The following PSD variants were observed in gnomAD, a reference collection of about 807,000 sequenced individuals.
The protein encoded by PSD is PH and SEC7 domain-containing protein 1.
In PSD, 32 loss-of-function variants were observed where a neutral mutation model predicts 91.6. That is an observed-to-expected ratio of 0.35 (90% CI 0.26 to 0.47). The LOEUF (loss-of-function observed/expected upper bound fraction) is 0.47, where lower values mean the gene tolerates loss of function less well. Among genes scored for constraint, PSD ranks in the 20% least tolerant of loss-of-function variants. PSD has a pLI of 1.00. For missense variants in PSD, 1,099 were observed against 1,373.9 expected (o/e 0.80, Z 3.16); for synonymous variants, 532 against 569.3 (o/e 0.93, Z 0.93).
chr10:102,415,365 A>G (rs1215628398), intron 3 of PSD, 136 bp from the exon 4 acceptor site: 2 of 1,080,874 alleles, frequency 1.9e-6, no homozygotes, highest in Admixed American at 3.0e-5. Flanking sequence ...TCCTCCTGCT[A>G]CATACTTAGC....
chr10:102,414,215 ATC>A lies in PSD; in HGVS notation c.1125-20_1125-19del. The A allele has an allele frequency of 3.2e-6, 5 of 1,584,488 alleles. No homozygotes were observed. Among genetic ancestry groups the A allele is most frequent in the Non-Finnish European group, 4.3e-6 (5 of 1,164,240 alleles). ...TCCCTGGCCTGCAGGGGCAGGGAGA[ATC>A]TCTGATTAGGGGCCCAGATCACAGG... On this transcript the variant is annotated intron_variant, in intron 4 of 16. Transcript: ENST00000020673. The surrounding 1 kb of genome is among the most constrained non-coding windows in gnomAD (Gnocchi z 5.6).
In PSD at chr10:102,412,233, G is replaced by A; in HGVS notation, c.1749-6C>T. 2 of 1,614,106 alleles carry A rather than the reference G, an allele frequency of 1.2e-6. No homozygotes were observed. Among genetic ancestry groups the A allele is most frequent in the Non-Finnish European group, 1.7e-6 (2 of 1,179,960 alleles). On this transcript the variant is annotated splice_region_variant and splice_polypyrimidine_tract_variant and intron_variant, in intron 6 of 16. Transcript: ENST00000020673. ...CCAGTTTGCTGAAGTCATTGCTGTG[G>A]GCAGGGCAGAGAGACAGGTAGGGTC... is the stretch of plus-strand genomic sequence containing the variant.
upstream of PSD, chr10:102,418,866 G>A (rs1197855634): frequency 2.7e-5 from 7 of 259,836 alleles, no homozygotes; most frequent in African/African-American, 2.6e-4. Flanking sequence ...CCCACCCCCC[G>A]CCCTCTCCCA....
At position 102,403,184 on chromosome 10, in the gene PSD, C is replaced by T. The variant is rs2061304809; in HGVS notation, c.*16G>A. ...CTTCAGGTGCCCAGCAGGCACTCCC[C>T]ACCCTAAACCTCATCTCAGGGCTTC... On this transcript the variant is annotated 3_prime_UTR_variant, in exon 17 of 17. Coordinates refer to ENST00000020673, the MANE Select transcript of PSD (RefSeq NM_002779.5). This position sits in a 1 kb window ranked among gnomAD's most constrained non-coding sequence, Gnocchi z 6.7. The T allele has an allele frequency of 6.7e-7, 1 of 1,489,512 alleles. No homozygotes were observed. Among genetic ancestry groups the T allele is most frequent in the Non-Finnish European group, 9.0e-7 (1 of 1,114,474 alleles). 92.3% of individuals were successfully genotyped at this position (1,489,512 alleles called of 1,614,324 possible).
rs1213931316 is a variant in PSD at position 102,409,182 on chromosome 10, C to A, written c.2091+1676G>T. On this transcript the variant is annotated intron_variant, in intron 10 of 16. Coordinates refer to ENST00000020673, the MANE Select transcript of PSD (RefSeq NM_002779.5). This position sits in a 1 kb window ranked among gnomAD's most constrained non-coding sequence, Gnocchi z 5.7. ...CCCGGACGGCCCGCGGACCGCTCCC[C>A]CGACAGCCAGCGCGAGCGGCGCGGC... is the stretch of plus-strand genomic sequence containing the variant. 9.2e-6 allele frequency: 9 copies of A among 981,094 alleles called. No homozygotes were observed. The highest frequency in any genetic ancestry group is 4.7e-5 in the South Asian group (1 of 21,436). 60.8% of individuals were successfully genotyped at this position (981,094 alleles called of 1,614,324 possible).
chr10:102,408,368 T>C (rs77389536), intron 10 of PSD, among the ~76,000 whole-genome samples: 24,844 of 152,156 alleles, frequency 0.16, 2,359 homozygotes, highest in East Asian at 0.27. Context: ...GGGCACACAC[T>C]GTTCACACCC....
rs771409686 is a variant in PSD at position 102,405,400 on chromosome 10, A to G, written c.2272T>C (p.Tyr758His). The G allele has an allele frequency of 6.2e-7, 1 of 1,613,862 alleles. No individual in the cohort carries two copies. The highest frequency in any genetic ancestry group is 1.1e-5 in the South Asian group (1 of 91,088). The change falls in exon 12 of 17, where the codon TAC (tyrosine) becomes CAC (histidine). Residue 758 changes from tyrosine to histidine, a missense_variant. Transcript: ENST00000020673. The surrounding 1 kb of genome is among the most constrained non-coding windows in gnomAD (Gnocchi z 5.4). Reference sequence around the variant, plus strand: ...TTTCGCACCAGGGCCCCGTGCTTGTAGACGGCAGCCCCAGGCTCGGGAGTC... The same window carrying G: ...TTTCGCACCAGGGCCCCGTGCTTGTGGACGGCAGCCCCAGGCTCGGGAGTC... ...DLTPEPGAAV[Y>H]KHGALVRKVH...
In PSD at chr10:102,407,257, T is replaced by G; in HGVS notation, c.2101A>C (p.Ser701Arg). ...FPRELLKALY[S>R]SIKNEKLQWA... ...TGCAGCTTCTCATTCTTGATGGAGC[T>G]GTACAAGGCCTGGGGGGTGGGGGGA... Residue 701 changes from serine to arginine, a missense_variant, in exon 11 of 17, where the codon AGC (serine) becomes CGC (arginine). Around this residue, in one of 3 missense-constraint regions of PSD, gnomAD observed 110 missense variants for 218.7 expected, o/e 0.50. Transcript: ENST00000020673. The G allele has an allele frequency of 6.3e-7, 1 of 1,597,654 alleles. No individual in the cohort carries two copies. Among genetic ancestry groups the G allele is most frequent in the South Asian group, 1.1e-5 (1 of 88,464 alleles).
chr10:102,412,264 G>C, intron 6 of PSD, 37 bp from the exon 7 acceptor site: 1 of 1,612,304 alleles, frequency 6.2e-7, no homozygotes, highest in Non-Finnish European at 8.5e-7. Flanking sequence ...GGGTCTCAAG[G>C]GGAAGTGCAG....
At chr10:102,411,559 T>A (rs919139924) in intron 8 of PSD, 148 bp downstream of exon 8, 32 of 676,750 alleles carry the variant, frequency 4.7e-5, no homozygotes, top group Non-Finnish European at 8.1e-5. Flanking sequence ...GACAGCGCTG[T>A]CTGCACACAT....
Position 102,416,969 on chromosome 10 carries a change from G to A in PSD, c.70C>T (p.Arg24Cys), listed in dbSNP as rs779566467. Residue 24 changes from arginine (R) to cysteine (C), a missense_variant, in exon 2 of 17, where the codon CGC (arginine) becomes TGC (cysteine). Around this residue, in one of 3 missense-constraint regions of PSD, gnomAD observed 631 missense variants for 728.8 expected, o/e 0.87. Transcript: ENST00000020673. The surrounding 1 kb of genome is among the most constrained non-coding windows in gnomAD (Gnocchi z 6.0). ...CAISPPRCPR[R>C]WLPEGPVPQS... ...GGCACCGGGCCTTCGGGGAGCCAGC[G>A]GCGTGGGCATCGTGGTGGGGAGATG... 9.4e-6 allele frequency: 15 copies of A among 1,601,200 alleles called. No individual in the cohort carries two copies. Among genetic ancestry groups the A allele is most frequent in the East Asian group, 2.2e-5 (1 of 44,842 alleles).
intron 7 of PSD, 147 bp downstream of exon 7, chr10:102,412,000 G>T: frequency 9.6e-7 from 1 of 1,038,974 alleles, no homozygotes; most frequent in Non-Finnish European, 1.5e-6. Flanking sequence ...TTACCAGGCA[G>T]CTCTGGCCCT....
chr10:102,419,194 G>T (rs1020319810), upstream of PSD: 22 of 221,032 alleles, frequency 1.0e-4, no homozygotes, highest in Admixed American at 3.6e-4. This position sits in a 1 kb window ranked among gnomAD's most constrained non-coding sequence, Gnocchi z 4.8. Context: ...CAAGCACACG[G>T]TATGGGTGTA....
chr10:102,409,338 G>A lies in PSD; in HGVS notation c.2091+1520C>T. The A allele has an allele frequency of 2.0e-6, 2 of 985,308 alleles. No homozygotes were observed. The highest frequency in any genetic ancestry group is 2.4e-6 in the Non-Finnish European group (2 of 829,698). 61.0% of individuals were successfully genotyped at this position (985,308 alleles called of 1,614,324 possible). ...GAAAGGGAGGGCGAGGGCTGGGGGCGGGGACCGCATGAAATGGAGGCGCCC... is the reference window on the plus strand; with the variant it reads ...GAAAGGGAGGGCGAGGGCTGGGGGCAGGGACCGCATGAAATGGAGGCGCCC... On this transcript the variant is annotated intron_variant, in intron 10 of 16. Transcript: ENST00000020673. The surrounding 1 kb of genome is among the most constrained non-coding windows in gnomAD (Gnocchi z 5.7).
In PSD at chr10:102,409,632, T is replaced by C. The variant is rs766830114; in HGVS notation, c.2091+1226A>G. On this transcript the variant is annotated intron_variant, in intron 10 of 16. Coordinates refer to ENST00000020673, the MANE Select transcript of PSD (RefSeq NM_002779.5). The surrounding 1 kb of genome is among the most constrained non-coding windows in gnomAD (Gnocchi z 5.7). Reference sequence around the variant, plus strand: ...CAGGGAAGGAACAGCCCTGGCCTCATCCAGCTCACCCGCAGATACCCCACC... The same window carrying C: ...CAGGGAAGGAACAGCCCTGGCCTCACCCAGCTCACCCGCAGATACCCCACC... 1.3e-5 allele frequency among the ~76,000 whole-genome samples: 2 copies of C among 152,022 alleles called. No individual in the cohort carries two copies. The highest frequency in any genetic ancestry group is 2.9e-5 in the Non-Finnish European group (2 of 67,996).
upstream of PSD, chr10:102,419,854 A>T (rs1214382953): frequency 9.6e-6 from 2 of 208,642 alleles, no homozygotes; most frequent in Admixed American, 1.2e-4. The surrounding 1 kb of genome is among the most constrained non-coding windows in gnomAD (Gnocchi z 4.8). Context: ...GCTGAGGAAG[A>T]AGAGATAGCA....
At chr10:102,411,183 A>G (rs1186683600) in intron 8 of PSD, 67 bp from the exon 9 acceptor site, 9 of 1,477,320 alleles carry the variant, frequency 6.1e-6, no homozygotes, top group Non-Finnish European at 7.3e-6. Flanking sequence ...ATCTTCCCCA[A>G]CCTCCCATTT....
At position 102,405,105 on chromosome 10, in the gene PSD, C is replaced by T. The variant is rs1565219941; in HGVS notation, c.2398-50G>A. ...GGCCCCAAATGCAGCCTGGCCCAGC[C>T]CCTCCTATTCCCACCCATCACCCCA... is the stretch of plus-strand genomic sequence containing the variant. On this transcript the variant is annotated intron_variant, in intron 13 of 16. Transcript: ENST00000020673. The surrounding 1 kb of genome is among the most constrained non-coding windows in gnomAD (Gnocchi z 5.4). The T allele has an allele frequency of 1.3e-5, 21 of 1,610,404 alleles. No homozygotes were observed. The highest frequency in any genetic ancestry group is 1.7e-5 in the Non-Finnish European group (20 of 1,178,370).
In PSD at chr10:102,412,498, G is replaced by C; in HGVS notation, c.1631C>G (p.Thr544Arg). The change falls in exon 6 of 17, where the codon ACA becomes AGA. Residue 544 changes from threonine to arginine, a missense_variant. Transcript: ENST00000020673. Reference protein sequence around the residue: ...DSTERLALGSTDTLSNGQKAD... With the variant: ...DSTERLALGSRDTLSNGQKAD... Reference sequence around the variant, plus strand: ...TTTCTGCCCATTGGACAAGGTGTCTGTGCTTCCCAGGGCCAGCCGCTCTGT... The same window carrying C: ...TTTCTGCCCATTGGACAAGGTGTCTCTGCTTCCCAGGGCCAGCCGCTCTGT... 1.2e-6 allele frequency: 2 copies of C among 1,614,040 alleles called. No homozygotes were observed. Among genetic ancestry groups the C allele is most frequent in the Non-Finnish European group, 1.7e-6 (2 of 1,180,018 alleles).
Sources: allele counts gnomAD v4.1 joint callset (sites outside exome capture counted in the v4.1 genomes callset), GRCh38; gene constraint gnomAD v4.1.1; regional missense constraint gnomAD v4.1.1; non-coding constraint Gnocchi (gnomAD v3.1); transcripts MANE v1.5; gene names NCBI Gene and HGNC (gene_info 2026-07-23, HGNC 2026-07-21).